The following DQX1 variants were observed in gnomAD, a reference collection of about 807,000 sequenced individuals.
DQX1 encodes the protein ATP-dependent RNA helicase homolog DQX1.
A neutral mutation model predicts 81.3 loss-of-function variants in DQX1; 66 were observed. That is an observed-to-expected ratio of 0.81 (90% CI 0.67 to 1.00). The LOEUF (loss-of-function observed/expected upper bound fraction) is 1.00. DQX1 is among the 50% of genes least tolerant of loss of function. The pLI is 0.00. For missense variants in DQX1, 798 were observed against 867.9 expected (o/e 0.92, Z 1.01); for synonymous variants, 290 against 350.0 (o/e 0.83, Z 1.91).
chr2:74,520,565 T>C (rs1450361350), intron 8 of DQX1, among the ~76,000 whole-genome samples: 1 of 152,142 alleles, frequency 6.6e-6, no homozygotes, highest in Non-Finnish European at 1.5e-5. Flanking sequence ...GAGATAAAGC[T>C]GGAGAGGTAG....
Position 74,518,488 on chromosome 2 carries a change from T to G in DQX1, c.2112A>C (p.Ser704=), listed in dbSNP as rs751190847. 6.2e-7 allele frequency: 1 copy of G among 1,614,126 alleles called. No individual in the cohort carries two copies. The highest frequency in any genetic ancestry group is 8.5e-7 in the Non-Finnish European group (1 of 1,180,056). Residue 704 remains serine, a synonymous_variant, in exon 12 of 12, where the codon TCA becomes TCC. Transcript: ENST00000404568. The part of the protein sequence containing the change: ...GMADSTAGSK[S]SSAQEFRDPC... ...GATCTCTGAACTCCTGGGCTGAGGA[T>G]GATTTGCTCCCTGCTGTAGAATCTG... is the stretch of plus-strand genomic sequence containing the variant.
rs765211362 is a variant in DQX1, at chr2:74,519,019, G to T, written c.1997+21C>A. On this transcript the variant is annotated intron_variant, in intron 11 of 11. Coordinates refer to ENST00000404568, the MANE Select transcript of DQX1 (RefSeq NM_133637.3). ...CCAGGGAGAGGAATAGGCAGTATAGGAGGGATGTCAGGGAACTCACATCTG... is the reference window on the plus strand; with the variant it reads ...CCAGGGAGAGGAATAGGCAGTATAGTAGGGATGTCAGGGAACTCACATCTG... 3 of 1,555,122 alleles carry T rather than the reference G, an allele frequency of 1.9e-6. No individual in the cohort carries two copies. The South Asian group carries it at 3.7e-5, about 19-fold the overall frequency.
Position 74,523,129 on chromosome 2 carries a change from C to A in DQX1, c.1134G>T (p.Gly378=), listed in dbSNP as rs766747892. 1 of 1,614,164 alleles carries A rather than the reference C, an allele frequency of 6.2e-7. No individual in the cohort carries two copies. Among genetic ancestry groups the A allele is most frequent in the South Asian group, 1.1e-5 (1 of 91,086 alleles). ...GGCAAAGGCTCTTACCTGGTGGGAA[C>A]CCTCTTGCTCGCAATCGTCTTGCCT... ...QAEARRLRAR[G]FPPGSCLCLY... Residue 378 remains glycine (G), a synonymous_variant, in exon 6 of 12, where the codon GGG becomes GGT. Transcript: ENST00000404568.
At chr2:74,524,447 C>G (rs1363283549) in intron 3 of DQX1, 140 bp from the exon 4 acceptor site, 2 of 1,209,494 alleles carry the variant, frequency 1.7e-6, no homozygotes, top group Non-Finnish European at 2.3e-6. Flanking sequence ...AGCCTATGGA[C>G]CCATAACTGT....
rs1674938897 is a variant in DQX1 at position 74,518,247 on chromosome 2, A to C, written c.*199T>G. 3.6e-6 allele frequency: 2 copies of C among 558,144 alleles called. No individual in the cohort carries two copies. Among genetic ancestry groups the C allele is most frequent in the Non-Finnish European group, 6.1e-6 (2 of 328,124 alleles). The allele number at this position is 558,144 out of a possible 1,614,324, so 34.6% of individuals were successfully genotyped here. ...TCCAATCAATAAGAGAAGGCTAAGG[A>C]AAGAGTCCTTCCCTATGTAGACTGT... is the stretch of plus-strand genomic sequence containing the variant. On this transcript the variant is annotated 3_prime_UTR_variant, in exon 12 of 12. Transcript: ENST00000404568.
In DQX1 at chr2:74,525,015, A is replaced by C; in HGVS notation, c.425T>G (p.Leu142Arg). The C allele has an allele frequency of 6.2e-7, 1 of 1,613,364 alleles. No individual in the cohort carries two copies. The highest frequency in any genetic ancestry group is 8.5e-7 in the Non-Finnish European group (1 of 1,179,460). The change falls in exon 3 of 12, where the codon CTG becomes CGG. Residue 142 changes from leucine (L) to arginine (R), a missense_variant. Physicochemically the swap from Leu to Arg is moderately radical, Grantham distance 102 (BLOSUM62 -2). Transcript: ENST00000404568. This position sits in a 1 kb window ranked among gnomAD's most constrained non-coding sequence, Gnocchi z 4.1. ...PQEDCTGPNT[L>R]LRFCWDRLLL... ...GGCCTGCAGAGGCCCCCACCTGAGC[A>C]GGGTGTTGGGCCCCGTGCAGTCCTC...
chr2:74,523,386 G>C lies in DQX1; in HGVS notation c.968C>G (p.Thr323Ser). 1 of 1,614,216 alleles carries C rather than the reference G, an allele frequency of 6.2e-7. No homozygotes were observed. Among genetic ancestry groups the C allele is most frequent in the Non-Finnish European group, 8.5e-7 (1 of 1,180,034 alleles). Residue 323 changes from threonine to serine, a missense_variant, in exon 5 of 12, where the codon ACT (threonine) becomes AGT (serine). Thr to Ser is a moderately conservative substitution (Grantham distance 58). Transcript: ENST00000404568. ...EDMDARKVVV[T>S]HWLADFSFSL... ...GAAGGAGAAGTCAGCCAGCCAGTGA[G>C]TGACCACAACCTTTCGGGCATCCAT...
intron 11 of DQX1, 42 bp from the exon 12 acceptor site, chr2:74,518,644 C>G (rs753728768): frequency 6.3e-7 from 1 of 1,585,804 alleles, no homozygotes. Flanking sequence ...CATCTTCTCT[C>G]TCTCTGTCTC....
Position 74,525,754 on chromosome 2 carries a change from G to A in DQX1, c.-19-6C>T. On this transcript the variant is annotated splice_polypyrimidine_tract_variant and splice_region_variant and intron_variant, in intron 1 of 11. Transcript: ENST00000404568. This position sits in a 1 kb window ranked among gnomAD's most constrained non-coding sequence, Gnocchi z 4.1. ...TGGTGGCTCTCTGGCAGGACCTGCA[G>A]AAGGCAGAGCAGCCAGTAAGGTCAT... The A allele has an allele frequency of 6.5e-7, 1 of 1,542,170 alleles. No homozygotes were observed. The highest frequency in any genetic ancestry group is 8.8e-7 in the Non-Finnish European group (1 of 1,139,684).
chr2:74,521,484 T>A (rs1314380008), intron 8 of DQX1, among the ~76,000 whole-genome samples: 1 of 151,922 alleles, frequency 6.6e-6, no homozygotes, highest in Non-Finnish European at 1.5e-5. Context: ...AACCCGTCTC[T>A]ACTAAAAATA....
Position 74,519,955 on chromosome 2 carries a change from G to A in DQX1, c.1575C>T (p.Asp525=). ...LRRALEHTDG[D]HSSLIQVYEA... is the part of the protein sequence containing the mutation. The stretch of plus-strand genomic sequence containing the variant: ...CATACACCTGGATCAGAGAACTGTG[G>A]TCACCATCCGTGTGTTCCAGGGCCC... The change falls in exon 9 of 12, where the codon GAC becomes GAT. Residue 525 remains aspartate (D), a synonymous_variant. Coordinates refer to ENST00000404568, the MANE Select transcript of DQX1 (RefSeq NM_133637.3). 1.9e-6 allele frequency: 3 copies of A among 1,614,228 alleles called. No individual in the cohort carries two copies. The highest frequency in any genetic ancestry group is 2.5e-6 in the Non-Finnish European group (3 of 1,180,044).
rs770462520 is a variant in DQX1 at position 74,519,167 on chromosome 2, G to A, written c.1870C>T (p.Leu624Phe). ...CTTCGGTAGCAGCAGTATGAGGAGA[G>A]CTGGGCCACATGCTTATGGGTTAGG... ...LLLTHKHVAQ[L>F]SSYCCYRSRR... is the part of the protein sequence containing the mutation. Residue 624 changes from leucine (L) to phenylalanine (F), a missense_variant, in exon 11 of 12, where the codon CTC (leucine) becomes TTC (phenylalanine). Transcript: ENST00000404568. 6.2e-6 allele frequency: 10 copies of A among 1,612,380 alleles called. No homozygotes were observed. Among genetic ancestry groups the A allele is most frequent in the Non-Finnish European group, 8.5e-6 (10 of 1,179,192 alleles).
intron 4 of DQX1, 27 bp from the exon 5 acceptor site, chr2:74,523,564 A>C: frequency 1.1e-5 from 16 of 1,447,110 alleles, no homozygotes; most frequent in Non-Finnish European, 1.5e-5. Flanking sequence ...GTGGGGCATT[A>C]GGGCAGTTCT....
At position 74,522,712 on chromosome 2, in the gene DQX1, C is replaced by T. The variant is rs1244616740; in HGVS notation, c.1363G>A (p.Asp455Asn). 1.2e-6 allele frequency: 2 copies of T among 1,614,228 alleles called. No homozygotes were observed. The highest frequency in any genetic ancestry group is 1.7e-6 in the Non-Finnish European group (2 of 1,180,046). Reference sequence around the variant, plus strand: ...ACACCCAGATCTGACAGGTCCCCATCATCATCCAGGGCTGCCAGATAGTCT... The same window carrying T: ...ACACCCAGATCTGACAGGTCCCCATTATCATCCAGGGCTGCCAGATAGTCT... ...DLDYLAALDD[D>N]GDLSDLGVIL... The change falls in exon 8 of 12, where the codon GAT becomes AAT. Residue 455 changes from aspartate to asparagine, a missense_variant. Coordinates refer to ENST00000404568, the MANE Select transcript of DQX1 (RefSeq NM_133637.3).
chr2:74,523,258 G>A, intron 5 of DQX1, 40 bp from the exon 6 acceptor site: 1 of 1,614,010 alleles, frequency 6.2e-7, no homozygotes, highest in East Asian at 2.2e-5. Context: ...ACAGATCAGA[G>A]TGGGCCATTT....
At chr2:74,522,815 GGGTGGTCAGAT>G (rs1675064069) in intron 7 of DQX1, 30 bp downstream of exon 7, 1 of 1,612,574 alleles carries the variant, frequency 6.2e-7, no homozygotes, top group Non-Finnish European at 8.5e-7. Context: ...TTTCAGAACT[GGGTGGTCAGAT>G]GGCAGTGCTT....
chr2:74,523,334 G>C lies in DQX1; in HGVS notation c.1020C>G (p.Ile340Met). 4 of 1,614,134 alleles carry C rather than the reference G, an allele frequency of 2.5e-6. No individual in the cohort carries two copies. The highest frequency in any genetic ancestry group is 3.4e-6 in the Non-Finnish European group (4 of 1,180,032). Residue 340 changes from isoleucine (I) to methionine (M), a missense_variant, in exon 5 of 12, where the codon ATC (isoleucine) becomes ATG (methionine). Physicochemically the swap from Ile to Met is conservative, Grantham distance 10. Coordinates refer to ENST00000404568, the MANE Select transcript of DQX1 (RefSeq NM_133637.3). ...SFSLPSIQHVIDSGLELRSVY... is the reference protein window; with the variant it reads ...SFSLPSIQHVMDSGLELRSVY... The stretch of plus-strand genomic sequence containing the variant: ...CACTTCGGAGCTCCAGTCCTGAGTC[G>C]ATGACATGTTGGATGGAAGGGAGGG...
At chr2:74,520,055 G>A (rs1330255361) in intron 8 of DQX1, 21 bp from the exon 9 acceptor site, 2 of 1,603,530 alleles carry the variant, frequency 1.2e-6, no homozygotes, top group Non-Finnish European at 8.5e-7. Context: ...AAGAGTGGAA[G>A]GTAGAATCTG....
rs377186424 is a variant in DQX1 at position 74,519,912 on chromosome 2, C to T, written c.1615+3G>A. 3.1e-6 allele frequency: 5 copies of T among 1,612,740 alleles called. No homozygotes were observed. The highest frequency in any genetic ancestry group is 4.2e-6 in the Non-Finnish European group (5 of 1,179,178). ...GGATTCTATAAAAGGATGCAGAACT[C>T]ACTTTGTATAAAGGCTTCATACACC... On this transcript the variant is annotated splice_donor_region_variant and intron_variant, in intron 9 of 11. Coordinates refer to ENST00000404568, the MANE Select transcript of DQX1 (RefSeq NM_133637.3).
Sources: allele counts gnomAD v4.1 joint callset (sites outside exome capture counted in the v4.1 genomes callset), GRCh38; gene constraint gnomAD v4.1.1; non-coding constraint Gnocchi (gnomAD v3.1); transcripts MANE v1.5; gene names NCBI Gene and HGNC (gene_info 2026-07-23, HGNC 2026-07-21).